CDH18: variants seen among roughly 807,000 people sequenced by gnomAD.
CDH18 encodes cadherin-18.
In CDH18, 31 loss-of-function variants were observed where a neutral mutation model predicts 67.9. The observed-to-expected ratio is 0.46, with a 90% CI of 0.34 to 0.62. The LOEUF is 0.62. Among genes scored for constraint, CDH18 ranks in the 20% least tolerant of loss-of-function variants. The pLI, the probability that CDH18 is intolerant of heterozygous loss-of-function variation, is 0.01. For synonymous variants in CDH18, 362 were observed against 347.2 expected (o/e 1.04, Z -0.48); for missense variants, 890 against 975.5 (o/e 0.91, Z 1.17).
chr5:20,043,888 A>G (rs1390658442), intron 2 of CDH18, among the ~76,000 whole-genome samples: 3 of 152,180 alleles, frequency 2.0e-5, no homozygotes, highest in Non-Finnish European at 4.4e-5. Flanking sequence ...AATCCTAAAA[A>G]GAAGAATTAT....
intron 9 of CDH18, among the ~76,000 whole-genome samples, chr5:19,521,804 A>C (rs1746944146): frequency 6.6e-6 from 1 of 152,270 alleles, no homozygotes; most frequent in South Asian, 2.1e-4. Context: ...AAAGAGAGAA[A>C]AAAATTTGTC....
chr5:20,464,452 C>A (rs994747721), intron 1 of CDH18, among the ~76,000 whole-genome samples: 3 of 110,370 alleles, frequency 2.7e-5, no homozygotes, highest in African/African-American at 1.1e-4. Context: ...GAATTTGTAC[C>A]AAATGCTCTT....
At chr5:20,330,654 T>C (rs921931793) in intron 1 of CDH18, among the ~76,000 whole-genome samples, 1 of 152,306 alleles carries the variant, frequency 6.6e-6, no homozygotes, top group East Asian at 1.9e-4. Flanking sequence ...CTAAACACAC[T>C]GCGCATGTGG....
intron 2 of CDH18, among the ~76,000 whole-genome samples, chr5:20,078,971 G>T (rs1172022081): frequency 6.6e-6 from 1 of 152,042 alleles, no homozygotes; most frequent in East Asian, 1.9e-4. Context: ...ATATTATGAG[G>T]TACAATGTGA....
At chr5:19,964,363 T>G (rs1797216218) in intron 2 of CDH18, among the ~76,000 whole-genome samples, 1 of 151,472 alleles carries the variant, frequency 6.6e-6, no homozygotes, top group South Asian at 2.1e-4. Flanking sequence ...GAAGGATCAC[T>G]TGAGCCCAGG....
At position 19,571,675 on chromosome 5, in the gene CDH18, G is replaced by A; in HGVS notation, c.1157C>T (p.Pro386Leu). Residue 386 changes from proline (P) to leucine (L), a missense_variant, in exon 8 of 13, where the codon CCT becomes CTT. Transcript: ENST00000382275. ...DVDEPPLFSMPSYLMEVYENA... is the reference protein window; with the variant it reads ...DVDEPPLFSMLSYLMEVYENA... ...TTCGTAGACTTCCATGAGGTAGGAA[G>A]GCATGGAAAATAGTGGTGGTTCATC... 1 of 1,613,704 alleles carries A rather than the reference G, an allele frequency of 6.2e-7. No individual in the cohort carries two copies. The highest frequency in any genetic ancestry group is 1.1e-5 in the South Asian group (1 of 91,058).
chr5:20,349,341 C>G (rs1740969574), intron 1 of CDH18, among the ~76,000 whole-genome samples: 1 of 152,110 alleles, frequency 6.6e-6, no homozygotes, highest in African/African-American at 2.4e-5. Flanking sequence ...GATTTAAGCT[C>G]ATTTGCAATT....
chr5:20,533,471 G>T (rs1015820113), intron 1 of CDH18, among the ~76,000 whole-genome samples: 1 of 152,078 alleles, frequency 6.6e-6, no homozygotes, highest in East Asian at 1.9e-4. Flanking sequence ...GACTCAAAAA[G>T]TATTGAAAGA....
At position 20,039,062 on chromosome 5, in the gene CDH18, A is replaced by G. The variant is rs532204204; in HGVS notation, c.-517-47048T>C. ...CTTTACACCAATAACAGACAAACAG[A>G]GAGCCAAATAGTGAGTGAACTCCCA... On this transcript the variant is annotated intron_variant, in intron 2 of 14. Coordinates refer to the CDH18 transcript ENST00000507958. Among the ~76,000 whole-genome samples, 13 of 146,202 alleles carry G rather than the reference A, an allele frequency of 8.9e-5. No individual in the cohort carries two copies. In the East Asian group the frequency reaches 2.6e-3, roughly 29 times the overall value.
chr5:19,652,454 G>A (rs569943218), intron 5 of CDH18, among the ~76,000 whole-genome samples: 2 of 152,206 alleles, frequency 1.3e-5, no homozygotes, highest in East Asian at 3.9e-4. Flanking sequence ...GAGTCAGCTA[G>A]TAGAACTGCT....
At position 19,666,237 on chromosome 5, in the gene CDH18, TTTATTATTATTATTA is replaced by T. The variant is rs70950082; in HGVS notation, c.644-53651_644-53637del. Among the ~76,000 whole-genome samples, 404 of 128,150 alleles carry T rather than the reference TTTATTATTATTATTA, an allele frequency of 3.2e-3. 2 individuals carry two copies. The highest frequency in any genetic ancestry group is 0.02 in the Middle Eastern group (5 of 256). The allele number at this position is 128,150 out of a possible 152,430, so 84.1% of individuals were successfully genotyped here. ...GTCATGTCCCCACGCCTGTATGATTTTTATTATTATTATTATTATTATTATTATTATTATTATTAT... is the reference window on the plus strand; with the variant it reads ...GTCATGTCCCCACGCCTGTATGATTTTTATTATTATTATTATTATTATTAT... On this transcript the variant is annotated intron_variant, in intron 5 of 12. Coordinates refer to ENST00000382275, the MANE Select transcript of CDH18 (RefSeq NM_004934.5).
At chr5:19,581,878 T>C (rs562689413) in intron 7 of CDH18, among the ~76,000 whole-genome samples, 1 of 152,196 alleles carries the variant, frequency 6.6e-6, no homozygotes, top group Non-Finnish European at 1.5e-5. Flanking sequence ...TGTATTATAA[T>C]ATGCTTTGTG....
intron 2 of CDH18, among the ~76,000 whole-genome samples, chr5:19,970,722 A>G (rs1797939581): frequency 6.6e-6 from 1 of 151,490 alleles, no homozygotes; most frequent in Admixed American, 6.6e-5. Flanking sequence ...TCAGGAAAAT[A>G]ATTATTCATA....
At position 19,706,189 on chromosome 5, in the gene CDH18, A is replaced by C. The variant is rs114502974; in HGVS notation, c.643+15158T>G. 9.8e-3 allele frequency among the ~76,000 whole-genome samples: 1,488 copies of C among 152,290 alleles called. 27 individuals carry two copies. The highest frequency in any genetic ancestry group is 0.034 in the African/African-American group (1,412 of 41,568). On this transcript the variant is annotated intron_variant, in intron 5 of 12. Transcript: ENST00000382275. Reference sequence around the variant, plus strand: ...ATTTCATACAGATGAGCAACTGATAACTTTGTTTACCCAATTGCAAACAGC... The same window carrying C: ...ATTTCATACAGATGAGCAACTGATACCTTTGTTTACCCAATTGCAAACAGC...
intron 7 of CDH18, among the ~76,000 whole-genome samples, chr5:19,572,356 C>G (rs1580278085): frequency 6.6e-6 from 1 of 152,270 alleles, no homozygotes; most frequent in East Asian, 1.9e-4. Context: ...TGAGAAACAG[C>G]AGAATAGAGA....
intron 1 of CDH18, among the ~76,000 whole-genome samples, chr5:20,470,315 T>C (rs1751956946): frequency 6.6e-6 from 1 of 152,188 alleles, no homozygotes; most frequent in Admixed American, 6.5e-5. Context: ...TAACTCTAAA[T>C]TGGACTTTTT....
rs143597151 is a variant in CDH18 at position 19,932,553 on chromosome 5, G to T, written c.-257+48507C>A. Among the ~76,000 whole-genome samples the T allele has an allele frequency of 8.0e-3, 1,214 of 151,246 alleles. 20 individuals are homozygous for T. Among genetic ancestry groups the T allele is most frequent in the African/African-American group, 0.027 (1,136 of 41,326 alleles). On this transcript the variant is annotated intron_variant, in intron 2 of 12. Transcript: ENST00000382275. Reference sequence around the variant, plus strand: ...CTTGTCTTAACAATAATTACAATCCGCCCCTCTCCCCACAATACACACACC... The same window carrying T: ...CTTGTCTTAACAATAATTACAATCCTCCCCTCTCCCCACAATACACACACC...
chr5:19,660,099 T>A (rs1756954693), intron 5 of CDH18, among the ~76,000 whole-genome samples: 1 of 152,128 alleles, frequency 6.6e-6, no homozygotes, highest in South Asian at 2.1e-4. Flanking sequence ...AGCCATTCTC[T>A]TCACAAGAAT....
intron 2 of CDH18, among the ~76,000 whole-genome samples, chr5:20,127,152 T>G (rs1370216433): frequency 2.0e-5 from 3 of 152,154 alleles, no homozygotes; most frequent in African/African-American, 7.2e-5. Context: ...CTTGTGATAG[T>G]GAGTGAGTTC....
Sources: allele counts gnomAD v4.1 joint callset (sites outside exome capture counted in the v4.1 genomes callset), GRCh38; gene constraint gnomAD v4.1.1; transcripts MANE v1.5; gene names NCBI Gene and HGNC (gene_info 2026-07-23, HGNC 2026-07-21).